The following EPB41L2 variants were observed in gnomAD, a reference collection of about 807,000 sequenced individuals.
The protein encoded by EPB41L2 is erythrocyte membrane protein band 4.1 like 2.
A neutral mutation model predicts 113.0 loss-of-function variants in EPB41L2; 43 were observed. The ratio of observed to expected loss-of-function variants is 0.38; its 90% CI spans 0.30 to 0.49. The LOEUF (loss-of-function observed/expected upper bound fraction) is 0.49. EPB41L2 is among the 20% of genes least tolerant of loss of function. The pLI is 0.95. For synonymous variants in EPB41L2, 442 were observed against 436.7 expected (o/e 1.01, Z -0.15); for missense variants, 1,147 against 1,223.4 (o/e 0.94, Z 0.93).
rs1296034223 is a variant in EPB41L2, at chr6:130,870,102, C to T, written c.2068G>A (p.Val690Met). ...QGSSHETLNIVEEKKRAEVGK... is the reference protein window; with the variant it reads ...QGSSHETLNIMEEKKRAEVGK... ...ACCTCTGCCCGCTTCTTCTCCTCCA[C>T]TATATTCAGAGTCTCATGTGAACTC... The change falls in exon 15 of 20, where the codon GTG becomes ATG. Residue 690 changes from valine (V) to methionine (M), a missense_variant. Coordinates refer to ENST00000337057, the MANE Select transcript of EPB41L2 (RefSeq NM_001431.4). 6.2e-7 allele frequency: 1 copy of T among 1,612,606 alleles called. No homozygotes were observed. The highest frequency in any genetic ancestry group is 1.1e-5 in the South Asian group (1 of 90,886).
intron 14 of EPB41L2, chr6:130,876,678 T>G (rs1787663345): frequency 7.7e-7 from 1 of 1,303,514 alleles, no homozygotes; most frequent in South Asian, 1.2e-5. Flanking sequence ...GAACACCTTG[T>G]CCGTCTCCTG....
Position 130,872,603 on chromosome 6 carries a change from A to T in EPB41L2, c.2044-2477T>A, listed in dbSNP as rs1005134627. On this transcript the variant is annotated intron_variant, in intron 14 of 19. Coordinates refer to ENST00000337057, the MANE Select transcript of EPB41L2 (RefSeq NM_001431.4). ...AAGTCAGAACAGACAGCAGTGACCT[A>T]TTGGAAGAAAGGAAAGGTTACACAA... is the stretch of plus-strand genomic sequence containing the variant. 8 of 1,112,682 alleles carry T rather than the reference A, an allele frequency of 7.2e-6. No individual in the cohort carries two copies. In the East Asian group the frequency reaches 4.9e-4, roughly 68 times the overall value. 68.9% of individuals were successfully genotyped at this position (1,112,682 alleles called of 1,614,324 possible).
At chr6:130,923,683 C>G (rs1803645511) in intron 4 of EPB41L2, among the ~76,000 whole-genome samples, 1 of 152,258 alleles carries the variant, frequency 6.6e-6, no homozygotes, top group South Asian at 2.1e-4. Context: ...TCACTAACTG[C>G]AGAATTAGCT....
chr6:130,907,151 A>G (rs994650401), intron 5 of EPB41L2, among the ~76,000 whole-genome samples: 1 of 152,194 alleles, frequency 6.6e-6, no homozygotes, highest in Admixed American at 6.5e-5. Context: ...TGGAACATCA[A>G]TCATGTTTCA....
At chr6:131,051,943 C>CTT (rs35129658) in intron 1 of EPB41L2, among the ~76,000 whole-genome samples, 3,059 of 144,490 alleles carry the variant, frequency 0.021, 114 homozygotes, top group African/African-American at 0.064. Flanking sequence ...TTTTTTTTTT[C>CTT]TTTTTTTTTT....
intron 1 of EPB41L2, among the ~76,000 whole-genome samples, chr6:131,023,750 T>TAG (rs1366853196): frequency 4.3e-5 from 5 of 117,152 alleles, no homozygotes; most frequent in Non-Finnish European, 6.6e-5. Context: ...TATATATCTA[T>TAG]ATATAGATAT....
chr6:130,921,614 A>G (rs927539798), intron 4 of EPB41L2, among the ~76,000 whole-genome samples: 3 of 152,192 alleles, frequency 2.0e-5, no homozygotes, highest in Non-Finnish European at 4.4e-5. Flanking sequence ...CCCTGCCCAC[A>G]TCCAGAATAC....
intron 1 of EPB41L2, among the ~76,000 whole-genome samples, chr6:130,993,997 G>A (rs188427076): frequency 4.6e-5 from 7 of 152,208 alleles, no homozygotes; most frequent in South Asian, 2.1e-4. Flanking sequence ...ACAGTATACC[G>A]GGAATAAAAC....
In EPB41L2 at chr6:130,863,670, T is replaced by C. The variant is rs1411736024; in HGVS notation, c.2878A>G (p.Ile960Val). 5 of 1,613,686 alleles carry C rather than the reference T, an allele frequency of 3.1e-6. No homozygotes were observed. The highest frequency in any genetic ancestry group is 2.2e-5 in the East Asian group (1 of 44,858). ...SETRIEKRIV[I>V]TGDGDIDHDQ... ...TGATCAATATCTCCATCTCCTGTGATCACAATGCGTTTCTCAATTCTTGTT... is the reference window on the plus strand; with the variant it reads ...TGATCAATATCTCCATCTCCTGTGACCACAATGCGTTTCTCAATTCTTGTT... The change falls in exon 18 of 20, where the codon ATC becomes GTC. Residue 960 changes from isoleucine (I) to valine (V), a missense_variant. Ile to Val is a conservative substitution (Grantham distance 29). Coordinates refer to ENST00000337057, the MANE Select transcript of EPB41L2 (RefSeq NM_001431.4).
At chr6:130,944,461 A>G (rs1356123097) in intron 3 of EPB41L2, among the ~76,000 whole-genome samples, 1 of 152,218 alleles carries the variant, frequency 6.6e-6, no homozygotes, top group Non-Finnish European at 1.5e-5. Flanking sequence ...AAGAAACAAC[A>G]TCAGCATGAG....
At chr6:130,957,900 G>A (rs945415213) in intron 1 of EPB41L2, among the ~76,000 whole-genome samples, 4 of 152,242 alleles carry the variant, frequency 2.6e-5, no homozygotes, top group Non-Finnish European at 5.9e-5. Flanking sequence ...GCAACCTTAC[G>A]AATATATCCA....
intron 1 of EPB41L2, among the ~76,000 whole-genome samples, chr6:130,998,818 C>G (rs1783717176): frequency 6.6e-6 from 1 of 152,180 alleles, no homozygotes; most frequent in Admixed American, 6.5e-5. Context: ...CCCAACTAAT[C>G]TTCCTGAACT....
intron 4 of EPB41L2, among the ~76,000 whole-genome samples, chr6:130,917,654 C>T (rs1254478534): frequency 1.3e-5 from 2 of 152,164 alleles, no homozygotes; most frequent in Admixed American, 6.5e-5. Flanking sequence ...ATCTCTCTTG[C>T]CTACTGCAAA....
intron 19 of EPB41L2, among the ~76,000 whole-genome samples, chr6:130,848,742 T>A (rs979128461): frequency 3.9e-5 from 6 of 152,154 alleles, no homozygotes; most frequent in African/African-American, 1.4e-4. Flanking sequence ...AACACACACA[T>A]ACACAAACTT....
chr6:130,952,183 T>C (rs1014154562), intron 3 of EPB41L2, among the ~76,000 whole-genome samples: 2 of 152,218 alleles, frequency 1.3e-5, no homozygotes, highest in East Asian at 3.9e-4. Flanking sequence ...TCAAACTTAA[T>C]GGTTGCTGGT....
chr6:130,889,758 T>C (rs535150814), intron 11 of EPB41L2, among the ~76,000 whole-genome samples: 18 of 152,266 alleles, frequency 1.2e-4, no homozygotes, highest in African/African-American at 3.8e-4. Flanking sequence ...TCAAGAGAAA[T>C]CAGTAAAACA....
intron 3 of EPB41L2, among the ~76,000 whole-genome samples, chr6:130,950,436 T>C (rs537348458): frequency 1.3e-5 from 2 of 152,152 alleles, no homozygotes; most frequent in African/African-American, 2.4e-5. Flanking sequence ...TTTGTCAAAT[T>C]AGATGAAATG....
chr6:131,027,099 A>G (rs1791043126), intron 1 of EPB41L2, among the ~76,000 whole-genome samples: 1 of 152,236 alleles, frequency 6.6e-6, no homozygotes, highest in South Asian at 2.1e-4. Flanking sequence ...TACGTAAGAG[A>G]TTGAGCAGGC....
chr6:130,915,467 T>C (rs1166164123), intron 4 of EPB41L2, among the ~76,000 whole-genome samples: 3 of 152,204 alleles, frequency 2.0e-5, no homozygotes, highest in African/African-American at 7.2e-5. Context: ...ACCTGGTTAA[T>C]ATCAGCAGAA....
Sources: gnomAD v4.1 joint callset for allele counts (sites outside exome capture counted in the v4.1 genomes callset) on GRCh38, gnomAD v4.1.1 for gene constraint, MANE v1.5 for transcripts, NCBI Gene and HGNC (gene_info 2026-07-23, HGNC 2026-07-21) for gene names.